The following SHANK2 variants were observed in gnomAD, a reference collection of about 807,000 sequenced individuals.
SHANK2 encodes the protein SH3 and multiple ankyrin repeat domains 2, also known as SH3 and multiple ankyrin repeat domains protein 2.
SHANK2 carries 43 observed loss-of-function variants against 133.7 expected under a neutral mutation model. The ratio of observed to expected loss-of-function variants is 0.32; its 90% confidence interval spans 0.25 to 0.41. SHANK2 has a LOEUF of 0.41. Among genes scored for constraint, SHANK2 ranks in the 10% least tolerant of loss-of-function variants. The pLI, the probability that SHANK2 is intolerant of heterozygous loss-of-function variation, is 1.00. For synonymous variants in SHANK2, 1,017 were observed against 952.8 expected (o/e 1.07, Z -1.24); for missense variants, 1,994 against 2,235.8 (o/e 0.89, Z 2.18).
At chr11:70,532,911 G>A (rs576769833) in intron 17 of SHANK2, among the ~76,000 whole-genome samples, 4 of 137,836 alleles carry the variant, frequency 2.9e-5, no homozygotes, top group South Asian at 2.5e-4. Flanking sequence ...CATACAGTGC[G>A]ACACTCACAG....
intron 8 of SHANK2, among the ~76,000 whole-genome samples, chr11:71,089,392 T>C (rs1951465671): frequency 6.6e-6 from 1 of 152,194 alleles, no homozygotes; most frequent in South Asian, 2.1e-4. Context: ...CTGTCAGGCC[T>C]GCTCAGAAGC....
intron 11 of SHANK2, among the ~76,000 whole-genome samples, chr11:70,866,072 C>T (rs1395460337): frequency 1.3e-5 from 2 of 152,176 alleles, no homozygotes; most frequent in Non-Finnish European, 2.9e-5. Context: ...GCATCTTGGT[C>T]ACCAATTCCG....
intron 17 of SHANK2, among the ~76,000 whole-genome samples, chr11:70,531,716 CAG>C (rs1403673414): frequency 8.5e-5 from 13 of 152,106 alleles, no homozygotes; most frequent in African/African-American, 1.4e-4. Flanking sequence ...GGTAGGAGCG[CAG>C]AGACACTGAG....
chr11:71,200,125 A>G (rs2135624611), intron 2 of SHANK2, among the ~76,000 whole-genome samples: 1 of 152,306 alleles, frequency 6.6e-6, no homozygotes, highest in South Asian at 2.1e-4. Context: ...ACCCATTAGC[A>G]GCCACCTCCC....
At chr11:70,874,674 TAAAAA>T (rs34587004) in intron 11 of SHANK2, among the ~76,000 whole-genome samples, 1 of 114,218 alleles carries the variant, frequency 8.8e-6, no homozygotes. Flanking sequence ...CTGCATTTAC[TAAAAA>T]AAAAAAAAAA....
intron 14 of SHANK2, among the ~76,000 whole-genome samples, chr11:70,711,922 G>A (rs1007301142): frequency 5.3e-5 from 8 of 152,196 alleles, no homozygotes; most frequent in East Asian, 1.9e-4. Flanking sequence ...CACGGACCTC[G>A]TGGGGATGGT....
Position 71,092,594 on chromosome 11 carries a change from GA to G in SHANK2, c.745-6del, listed in dbSNP as rs201243854. On this transcript the variant is annotated splice_polypyrimidine_tract_variant and splice_region_variant and intron_variant, in intron 7 of 25. Coordinates refer to ENST00000601538, the MANE Select transcript of SHANK2 (RefSeq NM_012309.5). Reference sequence around the variant, plus strand: ...TGCACCAAGCTCTAAAAGGGTCTAGGAAAAAAAAATTGAAAGCCGTCGTTAT... The same window carrying G: ...TGCACCAAGCTCTAAAAGGGTCTAGGAAAAAAAATTGAAAGCCGTCGTTAT... 34 of 1,542,532 alleles carry G rather than the reference GA, an allele frequency of 2.2e-5. No homozygotes were observed. The highest frequency in any genetic ancestry group is 8.3e-5 in the African/African-American group (6 of 72,440).
intron 6 of SHANK2, among the ~76,000 whole-genome samples, chr11:71,097,844 G>A (rs538495383): frequency 2.2e-4 from 34 of 152,350 alleles, no homozygotes; most frequent in Non-Finnish European, 3.2e-4. Context: ...GCATGTGTAC[G>A]CCAGTGTATG....
At chr11:70,751,114 G>A (rs1440230890) in intron 14 of SHANK2, among the ~76,000 whole-genome samples, 2 of 152,126 alleles carry the variant, frequency 1.3e-5, no homozygotes, top group African/African-American at 4.8e-5. Flanking sequence ...CTTGAAGACA[G>A]ATCCATAGAA....
At chr11:70,636,960 G>T (rs1270754253) in intron 17 of SHANK2, among the ~76,000 whole-genome samples, 2 of 148,262 alleles carry the variant, frequency 1.3e-5, no homozygotes, top group African/African-American at 5.0e-5. Context: ...AAACCAAGGG[G>T]CTTCAAACAA....
At chr11:70,709,099 T>C (rs572749899) in intron 14 of SHANK2, among the ~76,000 whole-genome samples, 3 of 152,274 alleles carry the variant, frequency 2.0e-5, no homozygotes, top group African/African-American at 7.2e-5. Context: ...TAATCCCAGT[T>C]ACTTGGGAGG....
chr11:71,181,737 G>A (rs1201567163), intron 2 of SHANK2, among the ~76,000 whole-genome samples: 3 of 152,240 alleles, frequency 2.0e-5, no homozygotes, highest in South Asian at 2.1e-4. Context: ...ACAAAGAGCC[G>A]CAGGTGTGGG....
chr11:71,090,625 CTGTGTGTGTGTGTGTGTG>C (rs782587800), intron 8 of SHANK2, among the ~76,000 whole-genome samples: 2 of 102,894 alleles, frequency 1.9e-5, no homozygotes, highest in Admixed American at 2.0e-4. Flanking sequence ...AACACAACCT[CTGTGTGTGTGTGTGTGTG>C]TGTGTGTGTG....
At position 71,096,084 on chromosome 11, in the gene SHANK2, C is replaced by T. The variant is rs149146288; in HGVS notation, c.593-1396G>A. On this transcript the variant is annotated intron_variant, in intron 6 of 25. Coordinates refer to ENST00000601538, the MANE Select transcript of SHANK2 (RefSeq NM_012309.5). ...CTTCCTGTCTTCCCCAACTAGGATG[C>T]CGTGCGTAGACATGCCAGCATCTTC... Among the ~76,000 whole-genome samples, 248 of 151,020 alleles carry T rather than the reference C, an allele frequency of 1.6e-3. 1 individual carries two copies. The highest frequency in any genetic ancestry group is 3.7e-3 in the Admixed American group (55 of 14,778).
At chr11:70,702,319 T>TCATCACAATCACCAG (rs1565253490) in intron 14 of SHANK2, among the ~76,000 whole-genome samples, 1 of 148,428 alleles carries the variant, frequency 6.7e-6, no homozygotes, top group South Asian at 2.2e-4. Context: ...ACAATCACCA[T>TCATCACAATCACCAG]CATCACCATC....
intron 14 of SHANK2, among the ~76,000 whole-genome samples, chr11:70,778,293 T>C (rs2135094284): frequency 6.6e-6 from 1 of 152,342 alleles, no homozygotes; most frequent in East Asian, 1.9e-4. Context: ...AGTCTCTGCC[T>C]TCGGCTCACA....
intron 17 of SHANK2, among the ~76,000 whole-genome samples, chr11:70,534,884 C>T (rs2059524623): frequency 6.6e-6 from 1 of 151,982 alleles, no homozygotes; most frequent in Non-Finnish European, 1.5e-5. Context: ...TGCAGTCAGG[C>T]CATGAAGCTG....
intron 2 of SHANK2, among the ~76,000 whole-genome samples, chr11:71,187,399 C>T (rs1244131761): frequency 3.3e-5 from 5 of 151,932 alleles, no homozygotes; most frequent in African/African-American, 1.2e-4. Flanking sequence ...GACAGTTTTT[C>T]ATGGGTTTCT....
chr11:70,855,468 C>T (rs781954596), intron 11 of SHANK2, among the ~76,000 whole-genome samples: 1 of 152,348 alleles, frequency 6.6e-6, no homozygotes, highest in South Asian at 2.1e-4. Flanking sequence ...CCAGGCAGGT[C>T]CCCCTTTAGC....
Sources: gnomAD v4.1 joint callset for allele counts (sites outside exome capture counted in the v4.1 genomes callset) on GRCh38, gnomAD v4.1.1 for gene constraint, MANE v1.5 for transcripts, NCBI Gene and HGNC (gene_info 2026-07-23, HGNC 2026-07-21) for gene names.